The following NAV1 variants were observed in gnomAD, a reference collection of about 807,000 sequenced individuals.
The protein encoded by NAV1 is pore membrane and/or filament interacting like protein 3.
Under a neutral mutation model 175.2 loss-of-function variants are expected in NAV1, and 18 were observed. The ratio of observed to expected loss-of-function variants is 0.10; its 90% CI spans 0.07 to 0.15. The LOEUF (loss-of-function observed/expected upper bound fraction) is 0.15, where lower values mean the gene tolerates loss of function less well. Among genes scored for constraint, NAV1 ranks in the 10% least tolerant of loss-of-function variants. The pLI is 1.00. For missense variants in NAV1, 1,731 were observed against 2,436.6 expected, an observed-to-expected ratio of 0.71 and a Z score of 6.10; for synonymous variants, 897 against 978.7, an observed-to-expected ratio of 0.92 and a Z score of 1.56.
intron 14 of NAV1, 129 bp from the exon 19 acceptor site, chr1:201,794,337 A>C (rs549729350): frequency 2.8e-5 from 22 of 793,206 alleles, no homozygotes; most frequent in Non-Finnish European, 3.6e-5. Context: ...TTTTTAATGG[A>C]GACCAGGTGG....
intron 1 of NAV1, among the ~76,000 whole-genome samples, chr1:201,693,070 G>A (rs1400881623): frequency 2.0e-5 from 3 of 152,234 alleles, no homozygotes; most frequent in Non-Finnish European, 2.9e-5. Context: ...GGCGGGACAA[G>A]TATGGCAGGT....
chr1:201,573,088 G>A (rs1471328716), intron 1 of NAV1, among the ~76,000 whole-genome samples: 9 of 152,218 alleles, frequency 5.9e-5, no homozygotes, highest in Non-Finnish European at 2.9e-5. Context: ...TTTGTTTAAA[G>A]GCCTGACAAT....
chr1:201,642,984 C>T (rs1254140286), intron 2 of NAV1, among the ~76,000 whole-genome samples: 1 of 150,966 alleles, frequency 6.6e-6, no homozygotes, highest in African/African-American at 2.5e-5. Context: ...CCGTGTTAGC[C>T]AGGATGGTCT....
At chr1:201,700,807 C>T (rs1266088242) in intron 1 of NAV1, among the ~76,000 whole-genome samples, 19 of 151,786 alleles carry the variant, frequency 1.3e-4, no homozygotes, top group Admixed American at 2.6e-4. Context: ...GTCAGGAGAT[C>T]GAGACCATCC....
At chr1:201,602,771 G>A (rs756776038) in intron 2 of NAV1, among the ~76,000 whole-genome samples, 14 of 151,654 alleles carry the variant, frequency 9.2e-5, no homozygotes, top group Non-Finnish European at 2.1e-4. Context: ...CATGCTCCAG[G>A]GGGACAGGGC....
chr1:201,554,847 A>C (rs1665964536), intron 1 of NAV1, among the ~76,000 whole-genome samples: 1 of 152,200 alleles, frequency 6.6e-6, no homozygotes. Flanking sequence ...GGAGGGTAGA[A>C]GTCTGAAATC....
chr1:201,602,331 T>C lies in NAV1; in HGVS notation c.-33+13682T>C, dbSNP rs139920619. 7.7e-3 allele frequency among the ~76,000 whole-genome samples: 1,166 copies of C among 152,284 alleles called. 4 individuals are homozygous for C. The highest frequency in any genetic ancestry group is 0.012 in the Non-Finnish European group (837 of 68,014). Reference sequence around the variant, plus strand: ...GCAATTCGGTTCTTCTCTAAGTTTTTTTGTTTTTGTTTTTGTTTTTTCTTT... The same window carrying C: ...GCAATTCGGTTCTTCTCTAAGTTTTCTTGTTTTTGTTTTTGTTTTTTCTTT... On this transcript the variant is annotated intron_variant, in intron 2 of 33. Transcript: ENST00000685211.
chr1:201,739,944 G>A (rs1255544793), intron 3 of NAV1: 4 of 1,368,876 alleles, frequency 2.9e-6, no homozygotes, highest in Non-Finnish European at 3.8e-6. Flanking sequence ...ACCTTTTCGG[G>A]TGTCCCCGGG....
At chr1:201,561,772 G>A (rs1666206620) in intron 1 of NAV1, among the ~76,000 whole-genome samples, 1 of 152,160 alleles carries the variant, frequency 6.6e-6, no homozygotes, top group South Asian at 2.1e-4. Flanking sequence ...TCAGCCTGGG[G>A]CCTCCATGAG....
At chr1:201,664,609 G>A (rs1173077728) in intron 1 of NAV1, among the ~76,000 whole-genome samples, 1 of 152,192 alleles carries the variant, frequency 6.6e-6, no homozygotes. Flanking sequence ...GTTTATAGAG[G>A]AAGGAGTCAT....
At chr1:201,708,421 C>T (rs893101643) in intron 1 of NAV1, among the ~76,000 whole-genome samples, 1 of 150,466 alleles carries the variant, frequency 6.6e-6, no homozygotes, top group African/African-American at 2.5e-5. Context: ...CCCCTTCCCC[C>T]CTCAAACCCT....
chr1:201,706,547 T>C (rs1671677731), intron 1 of NAV1, among the ~76,000 whole-genome samples: 1 of 152,126 alleles, frequency 6.6e-6, no homozygotes. Flanking sequence ...ACCTGAGGGA[T>C]TGTTGTTCCC....
exon 1 of NAV1, chr1:201,648,275 C>A: frequency 2.0e-5 from 21 of 1,061,412 alleles, no homozygotes; most frequent in Non-Finnish European, 2.4e-5. Context: ...AGGCAGGCCG[C>A]GGGCTGGGAT....
intron 1 of NAV1, among the ~76,000 whole-genome samples, chr1:201,561,899 G>A (rs1323198535): frequency 6.6e-6 from 1 of 152,264 alleles, no homozygotes; most frequent in African/African-American, 2.4e-5. Context: ...CACAGCATGA[G>A]ACTATCAATG....
intron 13 of NAV1, chr1:201,792,834 G>A (rs969919947): frequency 3.9e-5 from 6 of 152,232 alleles, no homozygotes; most frequent in African/African-American, 1.2e-4. Flanking sequence ...CCAGACATGC[G>A]GAGCAGTGGA....
chr1:201,728,862 T>G (rs1166178790), intron 3 of NAV1, among the ~76,000 whole-genome samples: 2 of 152,198 alleles, frequency 1.3e-5, no homozygotes, highest in African/African-American at 4.8e-5. Context: ...GGTGAAAGGT[T>G]GGAGTAAGCC....
intron 1 of NAV1, among the ~76,000 whole-genome samples, chr1:201,697,535 A>G (rs1571891093): frequency 6.6e-6 from 1 of 152,248 alleles, no homozygotes; most frequent in East Asian, 1.9e-4. Flanking sequence ...CTCTGAGATC[A>G]GCAGGCTGTG....
At chr1:201,711,479 C>G (rs1671903786) in intron 1 of NAV1, among the ~76,000 whole-genome samples, 1 of 151,852 alleles carries the variant, frequency 6.6e-6, no homozygotes, top group Non-Finnish European at 1.5e-5. Context: ...TGAAGAGATT[C>G]AGAAATGTTC....
chr1:201,699,017 C>G (rs539137976), intron 1 of NAV1, among the ~76,000 whole-genome samples: 1 of 152,298 alleles, frequency 6.6e-6, no homozygotes, highest in East Asian at 1.9e-4. Context: ...AGAAGAAGAG[C>G]CAGTGATGGC....
Sources: allele counts gnomAD v4.1 joint callset (sites outside exome capture counted in the v4.1 genomes callset), GRCh38; gene constraint gnomAD v4.1.1; transcripts MANE v1.5; gene names NCBI Gene and HGNC (gene_info 2026-07-23, HGNC 2026-07-21).